Variants in ZCCHC14 observed in about 807,000 individuals in gnomAD.
ZCCHC14 encodes the protein zinc finger CCHC-type containing 14.
Under a neutral mutation model 85.0 loss-of-function variants are expected in ZCCHC14, and 16 were observed. The ratio of observed to expected loss-of-function variants is 0.19; its 90% CI spans 0.13 to 0.29. The LOEUF (loss-of-function observed/expected upper bound fraction) is 0.29. Ranked by LOEUF, ZCCHC14 falls within the 10% of genes least tolerant of loss-of-function variation. ZCCHC14 has a pLI of 1.00. For missense variants in ZCCHC14, 1,303 were observed against 1,443.5 expected (o/e 0.90, Z 1.58); for synonymous variants, 775 against 630.7 (o/e 1.23, Z -3.43).
intron 2 of ZCCHC14, among the ~76,000 whole-genome samples, chr16:87,437,193 G>T (rs772280050): frequency 6.6e-6 from 1 of 151,978 alleles, no homozygotes; most frequent in African/African-American, 2.4e-5. Context: ...AAAATTAGCC[G>T]GGCGTGGTGG....
intron 2 of ZCCHC14, among the ~76,000 whole-genome samples, chr16:87,442,990 C>A (rs992284763): frequency 6.6e-6 from 1 of 152,160 alleles, no homozygotes; most frequent in Non-Finnish European, 1.5e-5. Flanking sequence ...TGCTAAAGTT[C>A]TTTGAACAGA....
chr16:87,422,542 T>C (rs1333479625), intron 4 of ZCCHC14, among the ~76,000 whole-genome samples: 1 of 148,962 alleles, frequency 6.7e-6, no homozygotes, highest in East Asian at 2.0e-4. Context: ...CTGGCCAACA[T>C]GGTGAAACTG....
chr16:87,415,575 C>G lies in ZCCHC14; in HGVS notation c.1384-208G>C, dbSNP rs184116100. 3.3e-5 allele frequency among the ~76,000 whole-genome samples: 5 copies of G among 152,342 alleles called. No individual in the cohort carries two copies. The East Asian group carries it at 9.6e-4, about 29-fold the overall frequency. On this transcript the variant is annotated intron_variant, in intron 8 of 12. Coordinates refer to ENST00000671377, the MANE Select transcript of ZCCHC14 (RefSeq NM_015144.3). ...AACGGTTCAACTCCGAGACGCAGTT[C>G]TGAGCAAGAGTGTCCCCGGCTCCTC...
chr16:87,477,599 C>T (rs989027227), intron 1 of ZCCHC14, among the ~76,000 whole-genome samples: 11 of 152,198 alleles, frequency 7.2e-5, no homozygotes, highest in Admixed American at 7.2e-4. Flanking sequence ...TCACTAATGT[C>T]GTCTTTGTCA....
chr16:87,412,029 G>A lies in ZCCHC14; in HGVS notation c.2692C>T (p.Pro898Ser). 6.2e-7 allele frequency: 1 copy of A among 1,609,206 alleles called. No homozygotes were observed. The highest frequency in any genetic ancestry group is 8.5e-7 in the Non-Finnish European group (1 of 1,179,878). ...GSTGNIPASN[P>S]NHHHHHHHQQ... ...TGGTGGTGGTGGTGGTGGTGGTTCG[G>A]ATTCGAGGCAGGAATGTTTCCTGTG... The change falls in exon 12 of 13, where the codon CCG becomes TCG. Residue 898 changes from proline (P) to serine (S), a missense_variant. By Grantham distance (74) the Pro-to-Ser change is moderately conservative (BLOSUM62 -1). Around this residue, in one of 7 missense-constraint regions of ZCCHC14, gnomAD observed 797 missense variants for 730.8 expected, o/e 1.09. Coordinates refer to ENST00000671377, the MANE Select transcript of ZCCHC14 (RefSeq NM_015144.3).
At chr16:87,431,011 G>GCCACCA (rs1424945058) in intron 3 of ZCCHC14, among the ~76,000 whole-genome samples, 1 of 152,070 alleles carries the variant, frequency 6.6e-6, no homozygotes, top group African/African-American at 2.4e-5. Context: ...ATGGTGGCAT[G>GCCACCA]TGCCTGTGGT....
intron 1 of ZCCHC14, chr16:87,470,852 T>C (rs1415023421): frequency 6.6e-6 from 1 of 152,196 alleles, no homozygotes; most frequent in Non-Finnish European, 1.5e-5. Flanking sequence ...ATTACTAGCA[T>C]TTATCTCTGG....
At chr16:87,465,445 G>T (rs1416387226) in intron 1 of ZCCHC14, among the ~76,000 whole-genome samples, 1 of 152,178 alleles carries the variant, frequency 6.6e-6, no homozygotes, top group Admixed American at 6.5e-5. Flanking sequence ...GCTAACCCAG[G>T]AATGAAATAT....
intron 2 of ZCCHC14, among the ~76,000 whole-genome samples, chr16:87,447,022 T>G (rs1306594956): frequency 2.0e-5 from 3 of 152,164 alleles, no homozygotes; most frequent in African/African-American, 7.2e-5. Flanking sequence ...GACAATTTAG[T>G]AACACAAATA....
At chr16:87,456,383 A>T (rs956512151) in intron 2 of ZCCHC14, among the ~76,000 whole-genome samples, 5 of 151,972 alleles carry the variant, frequency 3.3e-5, no homozygotes, top group Non-Finnish European at 5.9e-5. Flanking sequence ...ATAAAAAAAT[A>T]GCCGGGCGTG....
intron 2 of ZCCHC14, among the ~76,000 whole-genome samples, chr16:87,436,224 G>A (rs2150740542): frequency 6.6e-6 from 1 of 152,368 alleles, no homozygotes; most frequent in East Asian, 1.9e-4. Context: ...GCAGATGAAT[G>A]TTATTCAGCT....
In ZCCHC14 at chr16:87,410,210, T is replaced by C; in HGVS notation, c.*70A>G. The stretch of plus-strand genomic sequence containing the variant: ...AGATTAAGCTCAACAGCAACTAGAC[T>C]TCTCAGTTTTGTATTTAATTTTCCT... On this transcript the variant is annotated 3_prime_UTR_variant, in exon 13 of 13. Coordinates refer to ENST00000671377, the MANE Select transcript of ZCCHC14 (RefSeq NM_015144.3). The C allele has an allele frequency of 1.5e-6, 1 of 659,272 alleles. No individual in the cohort carries two copies. Among genetic ancestry groups the C allele is most frequent in the Non-Finnish European group, 2.8e-6 (1 of 360,480 alleles). The allele number at this position is 659,272 out of a possible 1,614,324, so 40.8% of individuals were successfully genotyped here.
At position 87,412,826 on chromosome 16, in the gene ZCCHC14, G is replaced by A. The variant is rs370086297; in HGVS notation, c.1895C>T (p.Pro632Leu). Residue 632 changes from proline (P) to leucine (L), a missense_variant, in exon 12 of 13, where the codon CCG becomes CTG. Around this residue, in one of 7 missense-constraint regions of ZCCHC14, gnomAD observed 797 missense variants for 730.8 expected, o/e 1.09. Coordinates refer to ENST00000671377, the MANE Select transcript of ZCCHC14 (RefSeq NM_015144.3). ...GTGTGAGGCTGCGCTCAGCATCTGC[G>A]GGGGCAGGGGGTGGTGGCCTGATGG... Reference protein sequence around the residue: ...SNPSGHHPLPPQMLSAASHIT... With the variant: ...SNPSGHHPLPLQMLSAASHIT... 6.8e-6 allele frequency: 11 copies of A among 1,609,866 alleles called. No homozygotes were observed. Among genetic ancestry groups the A allele is most frequent in the Non-Finnish European group, 9.3e-6 (11 of 1,177,564 alleles).
intron 2 of ZCCHC14, among the ~76,000 whole-genome samples, chr16:87,433,783 A>G (rs901502810): frequency 2.0e-5 from 3 of 151,912 alleles, no homozygotes; most frequent in Non-Finnish European, 4.4e-5. Flanking sequence ...CTGGGATTAC[A>G]GGCGCATGCA....
intron 1 of ZCCHC14, among the ~76,000 whole-genome samples, chr16:87,479,315 C>A (rs1333777876): frequency 6.6e-6 from 1 of 151,398 alleles, no homozygotes; most frequent in Admixed American, 6.6e-5. Flanking sequence ...ACTCAGGAGG[C>A]TGAGGCAGGA....
chr16:87,446,164 T>A (rs1286313474), intron 2 of ZCCHC14, among the ~76,000 whole-genome samples: 1 of 123,486 alleles, frequency 8.1e-6, no homozygotes, highest in African/African-American at 3.1e-5. Flanking sequence ...CAAAACTCCG[T>A]CTCAAAAAAA....
intron 2 of ZCCHC14, among the ~76,000 whole-genome samples, chr16:87,439,400 T>C (rs1910081196): frequency 6.6e-6 from 1 of 152,202 alleles, no homozygotes; most frequent in African/African-American, 2.4e-5. Context: ...CCCAAAGTGC[T>C]GGGATTACAG....
intron 9 of ZCCHC14, among the ~76,000 whole-genome samples, chr16:87,414,799 G>A (rs1352957331): frequency 6.6e-6 from 1 of 152,252 alleles, no homozygotes; most frequent in African/African-American, 2.4e-5. Flanking sequence ...AGCATGACTA[G>A]GCCAGGCGCG....
chr16:87,447,639 G>T (rs935307457), intron 2 of ZCCHC14, among the ~76,000 whole-genome samples: 4 of 152,160 alleles, frequency 2.6e-5, no homozygotes, highest in African/African-American at 9.7e-5. Flanking sequence ...CCAGTTTGGG[G>T]CTATTATGCA....
Sources: allele counts gnomAD v4.1 joint callset (sites outside exome capture counted in the v4.1 genomes callset), GRCh38; gene constraint gnomAD v4.1.1; regional missense constraint gnomAD v4.1.1; transcripts MANE v1.5; gene names NCBI Gene and HGNC (gene_info 2026-07-23, HGNC 2026-07-21).